Variants in MDH1 observed in about 807,000 individuals in gnomAD.
MDH1 encodes the protein malate dehydrogenase 1.
A neutral mutation model predicts 38.7 loss-of-function variants in MDH1; 15 were observed. The observed-to-expected ratio is 0.39, with a 90% CI of 0.26 to 0.60. The LOEUF (loss-of-function observed/expected upper bound fraction) is 0.60, where lower values mean the gene tolerates loss of function less well. Ranked by LOEUF, MDH1 falls within the 20% of genes least tolerant of loss-of-function variation. The pLI is 0.56. For missense variants in MDH1, 368 were observed against 405.2 expected (o/e 0.91, Z 0.79); for synonymous variants, 144 against 143.6 (o/e 1.00, Z -0.02).
rs796718833 is a variant in MDH1, at chr2:63,606,658, GTTT to G, written c.880-194_880-192del. On this transcript the variant is annotated intron_variant, in intron 8 of 8. Coordinates refer to ENST00000233114, the MANE Select transcript of MDH1 (RefSeq NM_005917.4). ...TGTGCTAAAGTCAGTCATTTTTGAA[GTTT>G]TTTTTTTTTAGATTCAAGGGGTTTA... Among the ~76,000 whole-genome samples, 16 of 145,202 alleles carry G rather than the reference GTTT, an allele frequency of 1.1e-4. 1 individual carries two copies. The highest frequency in any genetic ancestry group is 3.8e-4 in the African/African-American group (15 of 39,824).
Position 63,595,420 on chromosome 2 carries a change from T to A in MDH1, c.103-3T>A. On this transcript the variant is annotated splice_polypyrimidine_tract_variant and splice_region_variant and intron_variant, in intron 2 of 8. Transcript: ENST00000233114. ...AACAGATGCTGTCCTTGCTATTTGG[T>A]AGCCTATAATTCTTGTGCTGTTGGA... 1 of 1,587,752 alleles carries A rather than the reference T, an allele frequency of 6.3e-7. No individual in the cohort carries two copies. The highest frequency in any genetic ancestry group is 8.7e-7 in the Non-Finnish European group (1 of 1,155,976).
chr2:63,598,896 C>CA (rs1333463606), intron 4 of MDH1, among the ~76,000 whole-genome samples: 1,594 of 72,160 alleles, frequency 0.022, 12 homozygotes, highest in African/African-American at 0.038. Flanking sequence ...AAAGAGGTAC[C>CA]AAAAAAAAAA....
chr2:63,596,928 T>G (rs1205586482), intron 3 of MDH1, among the ~76,000 whole-genome samples: 1 of 152,202 alleles, frequency 6.6e-6, no homozygotes, highest in Non-Finnish European at 1.5e-5. Flanking sequence ...AAGATTAAAT[T>G]TGATAGTAAT....
At chr2:63,596,489 G>A (rs1477661462) in intron 3 of MDH1, among the ~76,000 whole-genome samples, 1 of 152,122 alleles carries the variant, frequency 6.6e-6, no homozygotes, top group Non-Finnish European at 1.5e-5. Context: ...TGAGTTCCCT[G>A]TGCTTTTTCT....
At chr2:63,593,563 C>CT in intron 1 of MDH1, 2 of 471,356 alleles carry the variant, frequency 4.2e-6, no homozygotes, top group Non-Finnish European at 8.8e-6. Context: ...GAAGAAGGAA[C>CT]TTTAAGTAAA....
At position 63,604,264 on chromosome 2, in the gene MDH1, A is replaced by AT. The variant is rs1158812463; in HGVS notation, c.499-432_499-431insT. Among the ~76,000 whole-genome samples the AT allele has an allele frequency of 1.5e-3, 236 of 152,344 alleles. 1 individual carries two copies. The highest frequency in any genetic ancestry group is 5.0e-3 in the African/African-American group (208 of 41,578). ...ATGGTATATAATAAAAATTTTACCT[A>AT]AATATAAAGTGCCTAAATACCTGAT... On this transcript the variant is annotated intron_variant, in intron 5 of 8. Transcript: ENST00000233114.
intron 2 of MDH1, chr2:63,594,987 A>G (rs1709277438): frequency 3.9e-6 from 1 of 256,546 alleles, no homozygotes; most frequent in Non-Finnish European, 7.5e-6. Context: ...GACTTCCAGC[A>G]AGCCTGATTA....
intron 2 of MDH1, among the ~76,000 whole-genome samples, chr2:63,595,174 A>G (rs1312580312): frequency 6.6e-6 from 1 of 152,186 alleles, no homozygotes; most frequent in African/African-American, 2.4e-5. Context: ...TGTTTTTTTC[A>G]TATACTGTTA....
At chr2:63,606,532 C>T (rs1457171367) in intron 8 of MDH1, among the ~76,000 whole-genome samples, 2 of 152,108 alleles carry the variant, frequency 1.3e-5, no homozygotes, top group African/African-American at 4.8e-5. Context: ...CAGCTCTTCC[C>T]ACTAGACACT....
At chr2:63,596,457 C>T (rs1330216814) in intron 3 of MDH1, among the ~76,000 whole-genome samples, 1 of 152,182 alleles carries the variant, frequency 6.6e-6, no homozygotes, top group Non-Finnish European at 1.5e-5. Context: ...CTGCTTTTTC[C>T]CATTTGTATT....
At chr2:63,594,945 GA>G (rs1709276477) in intron 2 of MDH1, 2 of 254,404 alleles carry the variant, frequency 7.9e-6, no homozygotes, top group South Asian at 9.8e-5. Context: ...AAAGAGTAAG[GA>G]AATCTGCTTC....
intron 1 of MDH1, chr2:63,590,889 C>G (rs1319595638): frequency 1.3e-5 from 2 of 152,210 alleles, no homozygotes; most frequent in East Asian, 3.8e-4. Context: ...CTTCTGTAAG[C>G]TCATTCAAAG....
intron 7 of MDH1, chr2:63,605,687 G>T: frequency 1.7e-6 from 1 of 588,758 alleles, no homozygotes. Flanking sequence ...TTTCTTCTAT[G>T]CCACAGCTTC....
At chr2:63,606,765 A>G in intron 8 of MDH1, 97 bp from the exon 9 acceptor site, 3 of 816,522 alleles carry the variant, frequency 3.7e-6, no homozygotes, top group Non-Finnish European at 5.3e-6. Flanking sequence ...ATCAGACTTT[A>G]AAACGATATA....
intron 1 of MDH1, chr2:63,589,956 T>C (rs1709139179): frequency 1.3e-5 from 2 of 154,702 alleles, no homozygotes; most frequent in Admixed American, 6.3e-5. Flanking sequence ...CTAAAACGGC[T>C]GGAGAATGTG....
intron 3 of MDH1, among the ~76,000 whole-genome samples, chr2:63,596,916 A>C (rs10865341): frequency 6.6e-6 from 1 of 151,694 alleles, no homozygotes; most frequent in Non-Finnish European, 1.5e-5. Context: ...CTATAAAATC[A>C]GAAGATTAAA....
intron 8 of MDH1, 77 bp downstream of exon 8, chr2:63,606,105 G>A: frequency 5.3e-6 from 7 of 1,313,632 alleles, no homozygotes; most frequent in Non-Finnish European, 7.7e-6. Flanking sequence ...TTATTGGCCA[G>A]GCACAGTGGC....
intron 5 of MDH1, among the ~76,000 whole-genome samples, chr2:63,602,934 C>CTTTTGTTTT (rs1709452776): frequency 8.4e-5 from 11 of 131,618 alleles, no homozygotes; most frequent in Non-Finnish European, 1.2e-4. Flanking sequence ...TTTAACCGTT[C>CTTTTGTTTT]TTTTTTTTTT....
At chr2:63,595,688 G>A (rs770061687) in intron 3 of MDH1, among the ~76,000 whole-genome samples, 169 bp downstream of exon 3, 4 of 152,168 alleles carry the variant, frequency 2.6e-5, no homozygotes, top group Non-Finnish European at 4.4e-5. Flanking sequence ...ATAAATAAGG[G>A]TAAGAAATGA....
Sources: gnomAD v4.1 joint callset for allele counts (sites outside exome capture counted in the v4.1 genomes callset) on GRCh38, gnomAD v4.1.1 for gene constraint, MANE v1.5 for transcripts, NCBI Gene and HGNC (gene_info 2026-07-23, HGNC 2026-07-21) for gene names.